CPSF2: variants seen among roughly 807,000 people sequenced by gnomAD.
The protein encoded by CPSF2 is cleavage and polyadenylation specific factor 2, also known as cleavage and polyadenylation specificity factor subunit 2.
In CPSF2, 51 loss-of-function variants were observed where a neutral mutation model predicts 84.2. The ratio of observed to expected loss-of-function variants is 0.61; its 90% CI spans 0.48 to 0.77. The LOEUF is 0.77. CPSF2 is among the 30% of genes least tolerant of loss of function. The pLI is 0.00. For synonymous variants in CPSF2, 286 were observed against 311.9 expected, an observed-to-expected ratio of 0.92 and a Z score of 0.87; for missense variants, 641 against 929.4, an observed-to-expected ratio of 0.69 and a Z score of 4.03.
At chr14:92,123,080 TCCCTTGGATTTTG>T (rs1158954576) in intron 1 of CPSF2, among the ~76,000 whole-genome samples, 3 of 152,158 alleles carry the variant, frequency 2.0e-5, no homozygotes, top group African/African-American at 7.2e-5. Context: ...TCCTCTGTTT[TCCCTTGGATTTTG>T]CTTAGTTCAC....
At chr14:92,142,868 G>T (rs2069095937) in intron 8 of CPSF2, 136 bp from the exon 9 acceptor site, 11 of 753,784 alleles carry the variant, frequency 1.5e-5, no homozygotes, top group Non-Finnish European at 2.1e-5. Flanking sequence ...CAGAAAATAA[G>T]CTGCTTGTCA....
At chr14:92,155,365 G>A in intron 11 of CPSF2, 42 bp downstream of exon 11, 2 of 1,445,964 alleles carry the variant, frequency 1.4e-6, no homozygotes, top group Non-Finnish European at 1.9e-6. Flanking sequence ...CAAATTGGAG[G>A]TATTAACTGT....
In CPSF2 at chr14:92,127,062, A is replaced by G. The variant is rs2068853495; in HGVS notation, c.-35+882A>G. The stretch of plus-strand genomic sequence containing the variant: ...CTTTAAGAAACATTTATCGGCTACC[A>G]CTGTATATTAGGCACTGTGGAGGCG... On this transcript the variant is annotated intron_variant, in intron 2 of 15. Coordinates refer to ENST00000298875, the MANE Select transcript of CPSF2 (RefSeq NM_017437.3). Among the ~76,000 whole-genome samples the G allele has an allele frequency of 1.3e-5, 2 of 152,108 alleles. 1 individual carries two copies. Among genetic ancestry groups the G allele is most frequent in the Admixed American group, 1.3e-4 (2 of 15,264 alleles).
chr14:92,123,053 C>T (rs1011609478), intron 1 of CPSF2, among the ~76,000 whole-genome samples: 9 of 152,058 alleles, frequency 5.9e-5, no homozygotes, highest in African/African-American at 2.2e-4. Context: ...TCAGTGAGCT[C>T]CAGGGCTAAC....
rs548625676 is a variant in CPSF2 at position 92,166,954 on chromosome 14, AT to A, written c.*5212del. ...GTTCTCCTTCAGGATTGTTTTGGCT[AT>A]TCTGGGTCTCTTGCATTTTCATGTG... On this transcript the variant is annotated 3_prime_UTR_variant, in exon 16 of 16. Coordinates refer to ENST00000298875, the MANE Select transcript of CPSF2 (RefSeq NM_017437.3). 2.0e-5 allele frequency: 3 copies of A among 148,816 alleles called. No homozygotes were observed. In the East Asian group the frequency reaches 6.0e-4, roughly 30 times the overall value. The allele number at this position is 148,816 out of a possible 1,614,324, so 9.2% of individuals were successfully genotyped here.
chr14:92,165,854 C>CTTTTGTTTTTTTTTTTTTT lies in CPSF2; in HGVS notation c.*4114_*4115insGTTTTTTTTTTTTTTTTTT, dbSNP rs2069438135. On this transcript the variant is annotated 3_prime_UTR_variant, in exon 16 of 16. Transcript: ENST00000298875. ...CAGTTCTTTGTGCTTGGTTTTATAT[C>CTTTTGTTTTTTTTTTTTTT]TTTTTTTTTTTTTTTTTTTTTTTTT... is the stretch of plus-strand genomic sequence containing the variant. 8 of 50,620 alleles carry CTTTTGTTTTTTTTTTTTTT rather than the reference C, an allele frequency of 1.6e-4. 1 individual carries two copies. Among genetic ancestry groups the CTTTTGTTTTTTTTTTTTTT allele is most frequent in the African/African-American group, 7.4e-4 (8 of 10,754 alleles). 3.1% of individuals were successfully genotyped at this position (50,620 alleles called of 1,614,324 possible). A position where few individuals can be genotyped will look rare whatever the true frequency, so the allele number is the denominator to read the frequency against.
At chr14:92,133,902 C>T in intron 3 of CPSF2, 109 bp from the exon 4 acceptor site, 1 of 1,103,272 alleles carries the variant, frequency 9.1e-7, no homozygotes. Context: ...TAGTTTTGCT[C>T]TTCTGCCCCA....
chr14:92,154,485 A>C, intron 10 of CPSF2, 27 bp downstream of exon 10: 2 of 1,447,986 alleles, frequency 1.4e-6, no homozygotes, highest in South Asian at 2.6e-5. Context: ...CAGATTATAA[A>C]TTTATGGATG....
Position 92,162,205 on chromosome 14 carries a change from A to G in CPSF2, c.*461A>G, listed in dbSNP as rs575344794. ...CTGATAAAACAGTTTTTCGAAACTT[A>G]CTTTTAAAAGCATACGTGCTATGAC... On this transcript the variant is annotated 3_prime_UTR_variant, in exon 16 of 16. Transcript: ENST00000298875. 4.5e-4 allele frequency: 69 copies of G among 152,492 alleles called. No individual in the cohort carries two copies. The highest frequency in any genetic ancestry group is 2.0e-4 in the Admixed American group (3 of 15,274). 9.4% of individuals were successfully genotyped at this position (152,492 alleles called of 1,614,324 possible).
At chr14:92,156,853 T>G (rs551326867) in intron 12 of CPSF2, among the ~76,000 whole-genome samples, 7 of 152,162 alleles carry the variant, frequency 4.6e-5, no homozygotes, top group Non-Finnish European at 7.4e-5. Flanking sequence ...TTGGTGGTGG[T>G]GGGGGGTGCT....
chr14:92,154,885 T>C (rs566498457), intron 10 of CPSF2, among the ~76,000 whole-genome samples: 1 of 152,322 alleles, frequency 6.6e-6, no homozygotes, highest in South Asian at 2.1e-4. Flanking sequence ...CTGTAGGCCA[T>C]TGTAACACAA....
At chr14:92,131,793 C>G (rs890787691) in intron 3 of CPSF2, among the ~76,000 whole-genome samples, 13 of 151,036 alleles carry the variant, frequency 8.6e-5, no homozygotes, top group Admixed American at 8.6e-4. Flanking sequence ...GAGCCGAGAT[C>G]GTACCACTAC....
intron 7 of CPSF2, among the ~76,000 whole-genome samples, chr14:92,140,865 G>A (rs2069069285): frequency 6.6e-6 from 1 of 151,770 alleles, no homozygotes; most frequent in African/African-American, 2.4e-5. Context: ...AGTGAGCTAT[G>A]ATCACACCAC....
rs1291278376 is a variant in CPSF2, at chr14:92,169,384, A to AT, written c.*7646dup. On this transcript the variant is annotated 3_prime_UTR_variant, in exon 16 of 16. Coordinates refer to ENST00000298875, the MANE Select transcript of CPSF2 (RefSeq NM_017437.3). ...GGACAAACATTTGCTACCGTGGTTG[A>AT]TTTTTTAATTTTACATTAACTATTT... 2 of 151,770 alleles carry AT rather than the reference A, an allele frequency of 1.3e-5. No homozygotes were observed. Among genetic ancestry groups the AT allele is most frequent in the African/African-American group, 4.9e-5 (2 of 41,230 alleles). The allele number at this position is 151,770 out of a possible 1,614,324, so 9.4% of individuals were successfully genotyped here.
intron 9 of CPSF2, among the ~76,000 whole-genome samples, chr14:92,146,823 C>T (rs935611750): frequency 1.6e-4 from 24 of 152,218 alleles, no homozygotes; most frequent in Non-Finnish European, 3.2e-4. Flanking sequence ...TACCTTCTGA[C>T]CTTAGCTTAT....
chr14:92,136,630 A>G (rs2896199), intron 6 of CPSF2, among the ~76,000 whole-genome samples: 77,943 of 152,068 alleles, frequency 0.51, 21,521 homozygotes, highest in East Asian at 0.98. Flanking sequence ...AGCTGAAGGC[A>G]GCTCCCTTTG....
rs78087158 is a variant in CPSF2, at chr14:92,122,467, G to C, written c.-94+339G>C. On this transcript the variant is annotated intron_variant, in intron 1 of 15. Transcript: ENST00000298875. ...CCAGCTTTAGCTCCTTGGCTTCGTG[G>C]CTACGGCGTTCTTAGCCTCCCCTGC... 0.013 allele frequency: 2,117 copies of C among 157,202 alleles called. 78 individuals are homozygous for C. The East Asian group carries it at 0.14, about 10-fold the overall frequency. 9.7% of individuals were successfully genotyped at this position (157,202 alleles called of 1,614,324 possible).
chr14:92,146,919 T>C (rs1007520248), intron 9 of CPSF2, among the ~76,000 whole-genome samples: 10 of 152,226 alleles, frequency 6.6e-5, no homozygotes, highest in African/African-American at 2.4e-4. Context: ...GCTTTGCGCA[T>C]GGCTGGCTCC....
chr14:92,150,151 G>A (rs1041353915), intron 9 of CPSF2, among the ~76,000 whole-genome samples: 5 of 149,274 alleles, frequency 3.3e-5, no homozygotes, highest in South Asian at 2.1e-4. Flanking sequence ...TGTTTGAGAC[G>A]GAGCCTTGCT....
Sources: allele counts gnomAD v4.1 joint callset (sites outside exome capture counted in the v4.1 genomes callset), GRCh38; gene constraint gnomAD v4.1.1; transcripts MANE v1.5; gene names NCBI Gene and HGNC (gene_info 2026-07-23, HGNC 2026-07-21).